The following RAB10 variants were observed in gnomAD, a reference collection of about 807,000 sequenced individuals.
The protein encoded by RAB10 is RAB10, member RAS oncogene family.
RAB10 carries 5 observed loss-of-function variants against 25.7 expected under a neutral mutation model. The observed-to-expected ratio is 0.19, with a 90% confidence interval of 0.10 to 0.41. The LOEUF is 0.41. RAB10 is among the 10% of genes least tolerant of loss of function. The pLI is 1.00. For synonymous variants in RAB10, 89 were observed against 86.4 expected (o/e 1.03, Z -0.16); for missense variants, 103 against 245.8 (o/e 0.42, Z 3.89).
chr2:26,123,426 C>T (rs1667845320), intron 3 of RAB10, among the ~76,000 whole-genome samples: 2 of 152,122 alleles, frequency 1.3e-5, no homozygotes, highest in African/African-American at 2.4e-5. Context: ...AAGATGCCAT[C>T]GTTATAGAAA....
chr2:26,077,709 G>A (rs962044613), intron 1 of RAB10, among the ~76,000 whole-genome samples: 2 of 152,206 alleles, frequency 1.3e-5, no homozygotes, highest in African/African-American at 4.8e-5. Flanking sequence ...GCTGGGCACA[G>A]TGGCTCAGGC....
intron 1 of RAB10, among the ~76,000 whole-genome samples, chr2:26,064,863 C>G (rs1426382614): frequency 6.6e-6 from 1 of 152,036 alleles, no homozygotes; most frequent in Non-Finnish European, 1.5e-5. Context: ...TGTAGTCAAC[C>G]TAGCAAGACT....
intron 1 of RAB10, among the ~76,000 whole-genome samples, chr2:26,086,019 G>A (rs1262478695): frequency 2.9e-5 from 4 of 138,838 alleles, no homozygotes; most frequent in African/African-American, 8.1e-5. Flanking sequence ...AAAAAAAAAG[G>A]GGGGGGGCAA....
chr2:26,129,633 G>T (rs529921919), intron 5 of RAB10, among the ~76,000 whole-genome samples: 2 of 152,248 alleles, frequency 1.3e-5, no homozygotes, highest in South Asian at 4.1e-4. Context: ...AGAGTGAAAT[G>T]TAGGTATCTG....
At chr2:26,093,698 C>T (rs139144368) in intron 1 of RAB10, among the ~76,000 whole-genome samples, 168 of 152,246 alleles carry the variant, frequency 1.1e-3, no homozygotes, top group Non-Finnish European at 2.2e-3. Flanking sequence ...CATGAGAAAA[C>T]ATGATGATCA....
At chr2:26,075,118 G>A (rs1294015954) in intron 1 of RAB10, among the ~76,000 whole-genome samples, 1 of 152,130 alleles carries the variant, frequency 6.6e-6, no homozygotes, top group Non-Finnish European at 1.5e-5. Context: ...TATTATCAGA[G>A]TACAGGCTTC....
At chr2:26,060,284 T>TTTTG (rs904917490) in intron 1 of RAB10, among the ~76,000 whole-genome samples, 23 of 151,184 alleles carry the variant, frequency 1.5e-4, no homozygotes, top group East Asian at 5.8e-4. Context: ...TTTTTTGTTT[T>TTTTG]TTTGTTTGTT....
intron 1 of RAB10, among the ~76,000 whole-genome samples, chr2:26,084,230 T>C (rs953942196): frequency 6.6e-6 from 1 of 152,234 alleles, no homozygotes; most frequent in African/African-American, 2.4e-5. Flanking sequence ...ATAAGATAGC[T>C]CTTCCTCCTG....
At position 26,135,262 on chromosome 2, in the gene RAB10, C is replaced by T. The variant is rs955962193; in HGVS notation, c.*241C>T. On this transcript the variant is annotated 3_prime_UTR_variant, in exon 6 of 6. Transcript: ENST00000264710. ...GTGAGTTCATTTTTAAATGTACTTGCTCAGCTCAACTGCATTTCAGTTGTA... is the reference window on the plus strand; with the variant it reads ...GTGAGTTCATTTTTAAATGTACTTGTTCAGCTCAACTGCATTTCAGTTGTA... 12 of 423,518 alleles carry T rather than the reference C, an allele frequency of 2.8e-5. No individual in the cohort carries two copies. Among genetic ancestry groups the T allele is most frequent in the African/African-American group, 2.2e-4 (11 of 49,226 alleles). The allele number at this position is 423,518 out of a possible 1,614,324, so 26.2% of individuals were successfully genotyped here.
At chr2:26,112,546 A>G (rs1014438476) in intron 3 of RAB10, among the ~76,000 whole-genome samples, 34 of 152,202 alleles carry the variant, frequency 2.2e-4, no homozygotes, top group African/African-American at 8.0e-4. Flanking sequence ...AACATCTGAC[A>G]TGGTAGACTG....
intron 1 of RAB10, among the ~76,000 whole-genome samples, chr2:26,054,251 A>G (rs1438829423): frequency 2.0e-5 from 3 of 151,302 alleles, no homozygotes; most frequent in African/African-American, 7.3e-5. Flanking sequence ...ACAGGGTTTC[A>G]CCATGTTGAC....
rs552939533 is a variant in RAB10, at chr2:26,055,765, T to TC, written c.127+21032dup. Among the ~76,000 whole-genome samples, 289 of 152,106 alleles carry TC rather than the reference T, an allele frequency of 1.9e-3. 1 individual carries two copies. Among genetic ancestry groups the TC allele is most frequent in the African/African-American group, 6.8e-3 (281 of 41,492 alleles). On this transcript the variant is annotated intron_variant, in intron 1 of 5. Transcript: ENST00000264710. Reference sequence around the variant, plus strand: ...GTCTCAAATTTCTGGCCTCAAGTGATCCACCTGCCTTGGCCTCCCAAATGC... The same window carrying TC: ...GTCTCAAATTTCTGGCCTCAAGTGATCCCACCTGCCTTGGCCTCCCAAATGC...
intron 2 of RAB10, among the ~76,000 whole-genome samples, chr2:26,107,245 C>CAAAA (rs57391958): frequency 6.0e-5 from 4 of 66,806 alleles, no homozygotes; most frequent in African/African-American, 2.0e-4. Context: ...CACCCTGTTT[C>CAAAA]AAAAAAAAAA....
chr2:26,045,333 G>A (rs1421109491), intron 1 of RAB10, among the ~76,000 whole-genome samples: 4 of 151,506 alleles, frequency 2.6e-5, no homozygotes, highest in South Asian at 4.2e-4. Flanking sequence ...TCCGCCTCCC[G>A]GGTTCACGCC....
intron 1 of RAB10, among the ~76,000 whole-genome samples, chr2:26,078,951 A>G (rs1666799334): frequency 2.0e-5 from 3 of 152,124 alleles, no homozygotes; most frequent in African/African-American, 7.2e-5. Flanking sequence ...GCACTTTGGG[A>G]GGCCAAGGTG....
chr2:26,073,218 G>A (rs539320954), intron 1 of RAB10, among the ~76,000 whole-genome samples: 3 of 152,164 alleles, frequency 2.0e-5, no homozygotes, highest in African/African-American at 2.4e-5. Flanking sequence ...TTTAATGCAG[G>A]AATTGTTTCA....
At chr2:26,050,800 T>C (rs964357877) in intron 1 of RAB10, among the ~76,000 whole-genome samples, 4 of 151,980 alleles carry the variant, frequency 2.6e-5, no homozygotes, top group East Asian at 3.9e-4. Flanking sequence ...ATTTTTTCTC[T>C]TTTTTTTCTA....
chr2:26,046,359 G>A (rs893331224), intron 1 of RAB10, among the ~76,000 whole-genome samples: 2 of 151,896 alleles, frequency 1.3e-5, no homozygotes, highest in African/African-American at 4.8e-5. Context: ...AATTTGAAAA[G>A]TTGATTAAAA....
intron 1 of RAB10, among the ~76,000 whole-genome samples, chr2:26,094,779 G>A (rs1249608476): frequency 6.6e-6 from 1 of 151,714 alleles, no homozygotes; most frequent in African/African-American, 2.4e-5. Flanking sequence ...GGCTAGTCTT[G>A]AACTCTTGAC....
Sources: gnomAD v4.1 joint callset for allele counts (sites outside exome capture counted in the v4.1 genomes callset) on GRCh38, gnomAD v4.1.1 for gene constraint, MANE v1.5 for transcripts, NCBI Gene and HGNC (gene_info 2026-07-23, HGNC 2026-07-21) for gene names.